The following ITPR3 variants were observed in gnomAD, a reference collection of about 807,000 sequenced individuals.
The protein encoded by ITPR3 is inositol 1,4,5-trisphosphate-gated calcium channel ITPR3.
ITPR3 carries 173 observed loss-of-function variants against 293.2 expected under a neutral mutation model. The observed-to-expected ratio is 0.59, with a 90% CI of 0.52 to 0.67. The LOEUF (loss-of-function observed/expected upper bound fraction) is 0.67. Among genes scored for constraint, ITPR3 ranks in the 30% least tolerant of loss-of-function variants. ITPR3 has a pLI of 0.00. For missense variants in ITPR3, 2,796 were observed against 3,592.1 expected (o/e 0.78, Z 5.66); for synonymous variants, 1,295 against 1,444.4 (o/e 0.90, Z 2.35).
At chr6:33,639,107 G>A (rs1763888608) in intron 1 of ITPR3, among the ~76,000 whole-genome samples, 2 of 152,158 alleles carry the variant, frequency 1.3e-5, no homozygotes, top group Admixed American at 6.5e-5. Flanking sequence ...TAGACTGGGC[G>A]TGGTGACTCA....
In ITPR3 at chr6:33,688,418, G is replaced by T; in HGVS notation, c.6555G>T (p.Gln2185His). The change falls in exon 48 of 58, where the codon CAG (glutamine) becomes CAT (histidine). Residue 2185 changes from glutamine (Q) to histidine (H), a missense_variant. Around this residue, in one of 8 missense-constraint regions of ITPR3, gnomAD observed 568 missense variants for 796.1 expected, o/e 0.71. Transcript: ENST00000605930. ...SSFLHNEMEWQRKLRSMPLIY... is the reference protein window; with the variant it reads ...SSFLHNEMEWHRKLRSMPLIY... ...TCCTGCACAACGAGATGGAGTGGCA[G>T]CGCAAGCTCCGCAGTGAGGACCCAC... is the stretch of plus-strand genomic sequence containing the variant. 1 of 1,257,214 alleles carries T rather than the reference G, an allele frequency of 8.0e-7. No individual in the cohort carries two copies. 77.9% of individuals were successfully genotyped at this position (1,257,214 alleles called of 1,614,324 possible).
intron 56 of ITPR3, 102 bp from the exon 57 acceptor site, chr6:33,694,822 T>C (rs1168046112): frequency 4.2e-6 from 6 of 1,440,678 alleles, no homozygotes; most frequent in Non-Finnish European, 5.8e-6. Flanking sequence ...AGTAGTTTTG[T>C]TAAGGGTGTG....
chr6:33,693,451 C>A, intron 55 of ITPR3, 94 bp from the exon 56 acceptor site: 1 of 1,361,926 alleles, frequency 7.3e-7, no homozygotes, highest in Non-Finnish European at 1.0e-6. Flanking sequence ...AGAACAAATG[C>A]CTCCAACCCC....
chr6:33,683,131 C>T lies in ITPR3; in HGVS notation c.4598-76C>T. On this transcript the variant is annotated intron_variant, in intron 34 of 57. Transcript: ENST00000605930. This position sits in a 1 kb window ranked among gnomAD's most constrained non-coding sequence, Gnocchi z 4.5. ...TAGTTCACTCTGTCTCCTGGTGTGGCAGCCCTGAGCCTGGCCTCTGGCTGG... is the reference window on the plus strand; with the variant it reads ...TAGTTCACTCTGTCTCCTGGTGTGGTAGCCCTGAGCCTGGCCTCTGGCTGG... The T allele has an allele frequency of 8.8e-7, 1 of 1,136,188 alleles. No individual in the cohort carries two copies. The highest frequency in any genetic ancestry group is 2.9e-5 in the East Asian group (1 of 35,052). The allele number at this position is 1,136,188 out of a possible 1,614,324, so 70.4% of individuals were successfully genotyped here.
rs1179756455 is a variant in ITPR3, at chr6:33,672,852, T to A, written c.2928+624T>A. Among the ~76,000 whole-genome samples, 3 of 152,116 alleles carry A rather than the reference T, an allele frequency of 2.0e-5. No homozygotes were observed. The highest frequency in any genetic ancestry group is 4.4e-5 in the Non-Finnish European group (3 of 68,020). On this transcript the variant is annotated intron_variant, in intron 22 of 57. Coordinates refer to ENST00000605930, the MANE Select transcript of ITPR3 (RefSeq NM_002224.4). This position sits in a 1 kb window ranked among gnomAD's most constrained non-coding sequence, Gnocchi z 5.0. Reference sequence around the variant, plus strand: ...TTTCTTGGCAAGGTGGATGCAGTCATCCCTGTTGTGGTCTCATCTGAGACT... The same window carrying A: ...TTTCTTGGCAAGGTGGATGCAGTCAACCCTGTTGTGGTCTCATCTGAGACT...
In ITPR3 at chr6:33,664,549, GATAA is replaced by G. The variant is rs976010787; in HGVS notation, c.1149-317_1149-314del. Among the ~76,000 whole-genome samples the G allele has an allele frequency of 4.6e-5, 7 of 152,214 alleles. No homozygotes were observed. The highest frequency in any genetic ancestry group is 7.2e-5 in the African/African-American group (3 of 41,452). On this transcript the variant is annotated intron_variant, in intron 11 of 57. Coordinates refer to ENST00000605930, the MANE Select transcript of ITPR3 (RefSeq NM_002224.4). The surrounding 1 kb of genome is among the most constrained non-coding windows in gnomAD (Gnocchi z 4.4). The stretch of plus-strand genomic sequence containing the variant: ...ATGTGTGCATCTTGACATTCAATGG[GATAA>G]ATAGTTAAATAGCCTCATTTGTCCA...
At chr6:33,643,592 C>A (rs953056352) in intron 2 of ITPR3, among the ~76,000 whole-genome samples, 3 of 152,190 alleles carry the variant, frequency 2.0e-5, no homozygotes, top group Admixed American at 6.5e-5. Context: ...CTGGGCTGAG[C>A]CTGGGGCACA....
intron 2 of ITPR3, among the ~76,000 whole-genome samples, chr6:33,650,730 G>A (rs1421134313): frequency 1.3e-5 from 2 of 150,968 alleles, no homozygotes; most frequent in African/African-American, 4.9e-5. Context: ...GTTCTACTTG[G>A]TTCTTTTTTC....
At chr6:33,677,427 A>G (rs886760155) in intron 27 of ITPR3, 77 bp from the exon 28 acceptor site, 2 of 1,579,716 alleles carry the variant, frequency 1.3e-6, no homozygotes, top group Non-Finnish European at 1.7e-6. Context: ...GCCAGCTGGA[A>G]CTTGGCTGTG....
intron 1 of ITPR3, among the ~76,000 whole-genome samples, chr6:33,626,893 C>T (rs897430946): frequency 5.9e-5 from 9 of 152,204 alleles, no homozygotes; most frequent in African/African-American, 2.2e-4. Context: ...ACAACCTTCG[C>T]CTCCCAGGTT....
In ITPR3 at chr6:33,680,011, C is replaced by G. The variant is rs1455469314; in HGVS notation, c.4102C>G (p.Leu1368Val). 1 of 1,613,944 alleles carries G rather than the reference C, an allele frequency of 6.2e-7. No individual in the cohort carries two copies. The highest frequency in any genetic ancestry group is 2.2e-5 in the East Asian group (1 of 44,884). The change falls in exon 31 of 58, where the codon CTG becomes GTG. Residue 1368 changes from leucine (L) to valine (V), a missense_variant. By Grantham distance (32) the Leu-to-Val change is conservative. Transcript: ENST00000605930. ...CAGCCCCCTCATGTACCACATTTCC[C>G]TGGTGGACCTGCTGGCCGCCTGTGC... ...DHSPLMYHIS[L>V]VDLLAACAEG...
At chr6:33,629,537 A>G (rs1280021401) in intron 1 of ITPR3, among the ~76,000 whole-genome samples, 2 of 151,212 alleles carry the variant, frequency 1.3e-5, no homozygotes, top group African/African-American at 2.4e-5. Context: ...CTAGAGTGCA[A>G]TGGTGCAATC....
chr6:33,662,892 C>G lies in ITPR3; in HGVS notation c.859-19C>G. 1 of 1,572,782 alleles carries G rather than the reference C, an allele frequency of 6.4e-7. No homozygotes were observed. Among genetic ancestry groups the G allele is most frequent in the Non-Finnish European group, 8.6e-7 (1 of 1,157,418 alleles). On this transcript the variant is annotated intron_variant, in intron 8 of 57. Transcript: ENST00000605930. ...CCTGTCCAGTCTCTCCTTCCTGCCTCACACCTGTGTGCCCCTAGGTGGTCC... is the reference window on the plus strand; with the variant it reads ...CCTGTCCAGTCTCTCCTTCCTGCCTGACACCTGTGTGCCCCTAGGTGGTCC...
intron 1 of ITPR3, among the ~76,000 whole-genome samples, chr6:33,625,674 T>C (rs1428136353): frequency 1.3e-5 from 2 of 152,170 alleles, no homozygotes; most frequent in African/African-American, 4.8e-5. Flanking sequence ...TGGAGCCTAT[T>C]TGGAGCTCTC....
chr6:33,691,511 C>A lies in ITPR3; in HGVS notation c.7226-104C>A. ...GGCTGGACAGTGGAGGGCTGGCGATCCAGGACCAGGGAAGGTTTCCTGGAG... is the reference window on the plus strand; with the variant it reads ...GGCTGGACAGTGGAGGGCTGGCGATACAGGACCAGGGAAGGTTTCCTGGAG... On this transcript the variant is annotated intron_variant, in intron 52 of 57. Transcript: ENST00000605930. The surrounding 1 kb of genome is among the most constrained non-coding windows in gnomAD (Gnocchi z 4.9). 1 of 945,204 alleles carries A rather than the reference C, an allele frequency of 1.1e-6. No homozygotes were observed. Among genetic ancestry groups the A allele is most frequent in the Non-Finnish European group, 1.6e-6 (1 of 612,806 alleles). 58.6% of individuals were successfully genotyped at this position (945,204 alleles called of 1,614,324 possible). A position where few individuals can be genotyped will look rare whatever the true frequency, so the allele number is the denominator to read the frequency against.
chr6:33,621,479 A>G lies in ITPR3; in HGVS notation c.-124A>G, dbSNP rs1174423449. On this transcript the variant is annotated 5_prime_UTR_variant, in exon 1 of 58. Coordinates refer to ENST00000605930, the MANE Select transcript of ITPR3 (RefSeq NM_002224.4). This position sits in a 1 kb window ranked among gnomAD's most constrained non-coding sequence, Gnocchi z 7.7. ...CCGCCAGCCCGCCCCGGCCGCACCG[A>G]GCGTCGGGATCCGAGGTGGGAGCGT... is the stretch of plus-strand genomic sequence containing the variant. 4.9e-6 allele frequency: 3 copies of G among 616,640 alleles called. No homozygotes were observed. Among genetic ancestry groups the G allele is most frequent in the Non-Finnish European group, 8.2e-6 (3 of 366,514 alleles). 38.2% of individuals were successfully genotyped at this position (616,640 alleles called of 1,614,324 possible).
chr6:33,638,150 C>T lies in ITPR3; in HGVS notation c.90-2334C>T, dbSNP rs964803633. 2.0e-5 allele frequency among the ~76,000 whole-genome samples: 3 copies of T among 152,078 alleles called. No individual in the cohort carries two copies. The highest frequency in any genetic ancestry group is 3.9e-4 in the East Asian group (2 of 5,186). ...CTTCCTGTGTAGCTGGGATTACAGG[C>T]GCGCACCGCCACGCCCAGCTAATTT... On this transcript the variant is annotated intron_variant, in intron 1 of 57. Coordinates refer to ENST00000605930, the MANE Select transcript of ITPR3 (RefSeq NM_002224.4). This position sits in a 1 kb window ranked among gnomAD's most constrained non-coding sequence, Gnocchi z 4.3.
chr6:33,667,006 C>T lies in ITPR3; in HGVS notation c.1552-123C>T, dbSNP rs372128940. ...GTTGTGGTCCAGCTTAGAATCAGCT[C>T]GAAGCTGATGTCCGGGCTGGCTTTA... On this transcript the variant is annotated intron_variant, in intron 14 of 57. Coordinates refer to ENST00000605930, the MANE Select transcript of ITPR3 (RefSeq NM_002224.4). The surrounding 1 kb of genome is among the most constrained non-coding windows in gnomAD (Gnocchi z 4.4). 1.3e-5 allele frequency: 15 copies of T among 1,163,404 alleles called. No homozygotes were observed. The highest frequency in any genetic ancestry group is 1.0e-4 in the South Asian group (7 of 67,652). The allele number at this position is 1,163,404 out of a possible 1,614,324, so 72.1% of individuals were successfully genotyped here. A position where few individuals can be genotyped will look rare whatever the true frequency, so the allele number is the denominator to read the frequency against.
Position 33,695,083 on chromosome 6 carries a change from C to G in ITPR3, c.7945C>G (p.Gln2649Glu). 2 of 1,613,530 alleles carry G rather than the reference C, an allele frequency of 1.2e-6. No individual in the cohort carries two copies. Among genetic ancestry groups the G allele is most frequent in the South Asian group, 2.2e-5 (2 of 91,040 alleles). ...LTAQLNELKE[Q>E]MTEQRKRRQR... is the part of the protein sequence containing the mutation. The stretch of plus-strand genomic sequence containing the variant: ...TGCCCAGCTCAACGAGCTCAAGGAG[C>G]AGGTGTGCACCCCGCCTGATCCCAG... Residue 2649 changes from glutamine (Q) to glutamate (E), a missense_variant and splice_region_variant, in exon 57 of 58, where the codon CAG (glutamine) becomes GAG (glutamate). Gln to Glu is a conservative substitution (Grantham distance 29). Transcript: ENST00000605930.
Sources: gnomAD v4.1 joint callset for allele counts (sites outside exome capture counted in the v4.1 genomes callset) on GRCh38, gnomAD v4.1.1 for gene constraint, gnomAD v4.1.1 regional missense constraint, Gnocchi (gnomAD v3.1) non-coding constraint, MANE v1.5 for transcripts, NCBI Gene and HGNC (gene_info 2026-07-23, HGNC 2026-07-21) for gene names.